Variants in RUNDC3B observed in about 807,000 individuals in gnomAD.
RUNDC3B encodes the protein RUN domain containing 3B, also known as RUN domain-containing protein 3B.
RUNDC3B carries 33 observed loss-of-function variants against 58.4 expected under a neutral mutation model. The observed-to-expected ratio is 0.56, with a 90% CI of 0.43 to 0.75. The LOEUF is 0.75. RUNDC3B is among the 30% of genes least tolerant of loss of function. The pLI, the probability that RUNDC3B is intolerant of heterozygous loss-of-function variation, is 0.00. For synonymous variants in RUNDC3B, 193 were observed against 195.2 expected (o/e 0.99, Z 0.10); for missense variants, 501 against 535.7 (o/e 0.94, Z 0.64).
At chr7:87,809,602 T>A (rs746742284) in intron 9 of RUNDC3B, among the ~76,000 whole-genome samples, 1 of 152,224 alleles carries the variant, frequency 6.6e-6, no homozygotes, top group Non-Finnish European at 1.5e-5. Flanking sequence ...TAAAGTCTTA[T>A]GTTTCTACTC....
intron 4 of RUNDC3B, among the ~76,000 whole-genome samples, chr7:87,728,086 A>G (rs185123621): frequency 1.3e-5 from 2 of 152,324 alleles, no homozygotes; most frequent in East Asian, 3.9e-4. Flanking sequence ...ATAAAATTAT[A>G]TAGAATATAA....
At chr7:87,744,084 T>G (rs1378282903) in intron 6 of RUNDC3B, among the ~76,000 whole-genome samples, 1 of 152,128 alleles carries the variant, frequency 6.6e-6, no homozygotes, top group Non-Finnish European at 1.5e-5. Context: ...TTCTCCACTT[T>G]ATATTTCTGT....
At chr7:87,727,666 T>G (rs896758584) in intron 4 of RUNDC3B, among the ~76,000 whole-genome samples, 1 of 152,180 alleles carries the variant, frequency 6.6e-6, no homozygotes, top group African/African-American at 2.4e-5. Context: ...ATACCTTTTA[T>G]TCCTTGAGCG....
chr7:87,679,133 C>T (rs1472464991), intron 2 of RUNDC3B, among the ~76,000 whole-genome samples: 1 of 141,552 alleles, frequency 7.1e-6, no homozygotes, highest in Non-Finnish European at 1.5e-5. Flanking sequence ...CGCTCTTTCC[C>T]CCAGGCTGGA....
chr7:87,703,914 G>GTTTTTTTTTTTTTTTTTTTTTT (rs35797972), intron 3 of RUNDC3B, among the ~76,000 whole-genome samples: 33 of 42,972 alleles, frequency 7.7e-4, no homozygotes, highest in Non-Finnish European at 9.7e-4. Flanking sequence ...TTTTTTTTTG[G>GTTTTTTTTTTTTTTTTTTTTTT]TTTTTTTTTT....
chr7:87,748,603 TACACAC>T (rs886473783), intron 6 of RUNDC3B, among the ~76,000 whole-genome samples: 6 of 151,952 alleles, frequency 3.9e-5, no homozygotes, highest in African/African-American at 1.5e-4. Flanking sequence ...ATGTCACACA[TACACAC>T]ACACACATTC....
At chr7:87,682,577 T>C (rs904547328) in intron 2 of RUNDC3B, among the ~76,000 whole-genome samples, 6 of 152,194 alleles carry the variant, frequency 3.9e-5, no homozygotes, top group African/African-American at 1.4e-4. Flanking sequence ...AGTTCTTGGG[T>C]GACTAGGTGC....
chr7:87,726,914 T>C lies in RUNDC3B; in HGVS notation c.459-12877T>C, dbSNP rs557831088. 4.5e-3 allele frequency among the ~76,000 whole-genome samples: 679 copies of C among 152,288 alleles called. 5 individuals carry two copies. The highest frequency in any genetic ancestry group is 0.016 in the African/African-American group (647 of 41,556). On this transcript the variant is annotated intron_variant, in intron 4 of 10. Coordinates refer to ENST00000394654, the MANE Select transcript of RUNDC3B (RefSeq NM_001134405.2). ...GTCTGTTATTGGTGTATAAGAATGC[T>C]TGTGATTTTTGCACATTGATTTTGT...
At chr7:87,686,908 T>C (rs1376522373) in intron 2 of RUNDC3B, among the ~76,000 whole-genome samples, 1 of 142,486 alleles carries the variant, frequency 7.0e-6, no homozygotes, top group South Asian at 2.2e-4. Flanking sequence ...ATTGTGCCAC[T>C]CCACTCCAGC....
intron 7 of RUNDC3B, among the ~76,000 whole-genome samples, chr7:87,772,448 A>G (rs984187423): frequency 6.6e-6 from 1 of 152,216 alleles, no homozygotes; most frequent in African/African-American, 2.4e-5. Context: ...GACCATAAGA[A>G]CATAGATAAT....
At chr7:87,707,927 C>G (rs1829752756) in intron 3 of RUNDC3B, among the ~76,000 whole-genome samples, 1 of 151,268 alleles carries the variant, frequency 6.6e-6, no homozygotes, top group East Asian at 1.9e-4. Flanking sequence ...TCTAAATAAC[C>G]CATGGATGAA....
At position 87,633,951 on chromosome 7, in the gene RUNDC3B, G is replaced by A. The variant is rs531363060; in HGVS notation, c.122+5006G>A. On this transcript the variant is annotated intron_variant, in intron 1 of 10. Transcript: ENST00000394654. ...CAGTTCTGTAGGTTGTACAAAAACC[G>A]TGGCCCCGGCATCTGCTGAGCTTCT... Among the ~76,000 whole-genome samples the A allele has an allele frequency of 5.3e-5, 8 of 152,292 alleles. No individual in the cohort carries two copies. In the South Asian group the frequency reaches 1.2e-3, roughly 24 times the overall value.
At chr7:87,773,606 G>A (rs1031864240) in intron 7 of RUNDC3B, among the ~76,000 whole-genome samples, 1 of 152,032 alleles carries the variant, frequency 6.6e-6, no homozygotes, top group Non-Finnish European at 1.5e-5. Context: ...AGCATATATG[G>A]AACAGCTATA....
chr7:87,736,072 T>C (rs960907774), intron 4 of RUNDC3B, among the ~76,000 whole-genome samples: 3 of 152,210 alleles, frequency 2.0e-5, no homozygotes, highest in Admixed American at 2.0e-4. Flanking sequence ...ACTTTGAATA[T>C]AACATCTGTT....
At chr7:87,720,595 CTT>C (rs1212621533) in intron 4 of RUNDC3B, among the ~76,000 whole-genome samples, 4 of 137,866 alleles carry the variant, frequency 2.9e-5, no homozygotes, top group African/African-American at 1.1e-4. Flanking sequence ...TTATAATTTT[CTT>C]TTTTTTTTTC....
At chr7:87,702,142 C>CAAAAAAAAAA (rs146127516) in intron 3 of RUNDC3B, among the ~76,000 whole-genome samples, 3 of 16,774 alleles carry the variant, frequency 1.8e-4, no homozygotes, top group East Asian at 2.6e-3. Context: ...GACTCTGTCT[C>CAAAAAAAAAA]AAAAAAAAAA....
At chr7:87,784,349 T>C (rs567050840) in intron 8 of RUNDC3B, among the ~76,000 whole-genome samples, 4 of 152,302 alleles carry the variant, frequency 2.6e-5, no homozygotes, top group Non-Finnish European at 4.4e-5. Flanking sequence ...GGCTAGTGTT[T>C]CTTTTTCTTT....
At chr7:87,754,638 A>G (rs1185810705) in intron 6 of RUNDC3B, among the ~76,000 whole-genome samples, 1 of 152,146 alleles carries the variant, frequency 6.6e-6, no homozygotes, top group Admixed American at 6.5e-5. Context: ...CAAAACATCA[A>G]CGAATCCAGG....
intron 2 of RUNDC3B, among the ~76,000 whole-genome samples, chr7:87,698,946 G>C (rs192360546): frequency 9.6e-4 from 146 of 152,208 alleles, no homozygotes; most frequent in African/African-American, 3.3e-3. Flanking sequence ...TTAATAATAA[G>C]TACATCACTA....
Sources: gnomAD v4.1 joint callset for allele counts (sites outside exome capture counted in the v4.1 genomes callset) on GRCh38, gnomAD v4.1.1 for gene constraint, MANE v1.5 for transcripts, NCBI Gene and HGNC (gene_info 2026-07-23, HGNC 2026-07-21) for gene names.